The following NTM variants were observed in gnomAD, a reference collection of about 807,000 sequenced individuals.
NTM encodes IgLON family member 2.
In NTM, 13 loss-of-function variants were observed where a neutral mutation model predicts 42.1. The ratio of observed to expected loss-of-function variants is 0.31; its 90% CI spans 0.20 to 0.49. The LOEUF (loss-of-function observed/expected upper bound fraction) is 0.49. Ranked by LOEUF, NTM falls within the 20% of genes least tolerant of loss-of-function variation. NTM has a pLI of 0.99. For synonymous variants in NTM, 187 were observed against 179.2 expected (o/e 1.04, Z -0.35); for missense variants, 373 against 452.8 (o/e 0.82, Z 1.60).
chr11:131,523,924 C>A (rs992188049), intron 1 of NTM, among the ~76,000 whole-genome samples: 1 of 151,568 alleles, frequency 6.6e-6, no homozygotes, highest in Non-Finnish European at 1.5e-5. Context: ...AGATGCTGAA[C>A]AGGGTAGCAT....
chr11:131,811,895 T>C (rs1333776332), intron 1 of NTM, among the ~76,000 whole-genome samples: 1 of 152,226 alleles, frequency 6.6e-6, no homozygotes, highest in Non-Finnish European at 1.5e-5. Context: ...CTTTCAGACC[T>C]GAGATAATCT....
chr11:132,178,580 A>G (rs1165214892), intron 3 of NTM, among the ~76,000 whole-genome samples: 1 of 151,934 alleles, frequency 6.6e-6, no homozygotes, highest in Non-Finnish European at 1.5e-5. Context: ...GAAAAGTTTG[A>G]TAGACAGCCT....
At chr11:132,091,668 T>G (rs1432754082) in intron 2 of NTM, among the ~76,000 whole-genome samples, 1 of 151,912 alleles carries the variant, frequency 6.6e-6, no homozygotes, top group Admixed American at 6.6e-5. Context: ...GCTTGTATAC[T>G]TGGTGGTCTG....
intron 1 of NTM, among the ~76,000 whole-genome samples, chr11:131,754,284 T>A (rs1252521183): frequency 7.1e-6 from 1 of 139,940 alleles, no homozygotes; most frequent in African/African-American, 3.0e-5. Context: ...AAGTATAATT[T>A]AAAAAAAAAA....
chr11:131,401,814 A>ATATATATATATATG (rs1565465203), intron 1 of NTM, among the ~76,000 whole-genome samples: 1 of 27,200 alleles, frequency 3.7e-5, no homozygotes, highest in Non-Finnish European at 6.5e-5. Context: ...ATATATATAT[A>ATATATATATATATG]TATATATATA....
intron 1 of NTM, among the ~76,000 whole-genome samples, chr11:131,654,834 C>T (rs1189134112): frequency 1.3e-5 from 2 of 152,150 alleles, no homozygotes; most frequent in African/African-American, 2.4e-5. Flanking sequence ...ATTGGAGCCA[C>T]GCTACTTATA....
chr11:131,958,075 C>T (rs1441423844), intron 2 of NTM, among the ~76,000 whole-genome samples: 2 of 152,212 alleles, frequency 1.3e-5, no homozygotes, highest in Non-Finnish European at 2.9e-5. Context: ...TAGATGCCGA[C>T]ACCACCTCTG....
chr11:131,420,418 G>A (rs556569704), intron 1 of NTM, among the ~76,000 whole-genome samples: 1 of 152,320 alleles, frequency 6.6e-6, no homozygotes, highest in South Asian at 2.1e-4. Context: ...CTTGACCTTA[G>A]CCTAGGAAGA....
chr11:132,006,562 C>G (rs1593640793), intron 2 of NTM, among the ~76,000 whole-genome samples: 1 of 152,230 alleles, frequency 6.6e-6, no homozygotes, highest in South Asian at 2.1e-4. Context: ...AAACCTCATT[C>G]TCAGACTTAA....
rs185037798 is a variant in NTM at position 131,718,673 on chromosome 11, T to G, written c.83-192891T>G. ...CTCTGCTGGATGCTCAAGGGAACCC[T>G]CTGCAGATCTCAGGAGTTCTCTGTG... On this transcript the variant is annotated intron_variant, in intron 1 of 8. Coordinates refer to ENST00000683400, the MANE Select transcript of NTM (RefSeq NM_001352005.2). 1.3e-4 allele frequency among the ~76,000 whole-genome samples: 20 copies of G among 152,234 alleles called. No individual in the cohort carries two copies. The East Asian group carries it at 3.3e-3, about 25-fold the overall frequency.
intron 1 of NTM, chr11:131,767,058 CA>C (rs1257648791): frequency 3.6e-6 from 2 of 552,886 alleles, no homozygotes; most frequent in African/African-American, 4.1e-5. Context: ...ATATTTCAGT[CA>C]TCTCTCTGTG....
At chr11:131,826,399 G>T (rs911450226) in intron 1 of NTM, among the ~76,000 whole-genome samples, 2 of 151,982 alleles carry the variant, frequency 1.3e-5, no homozygotes, top group Admixed American at 6.6e-5. Flanking sequence ...TTAACAAGAA[G>T]GTAGATGATA....
rs755755676 is a variant in NTM, at chr11:132,146,334, A to G, written c.220A>G (p.Ile74Val). 7 of 1,614,208 alleles carry G rather than the reference A, an allele frequency of 4.3e-6. No homozygotes were observed. The highest frequency in any genetic ancestry group is 1.1e-5 in the South Asian group (1 of 91,080). Residue 74 changes from isoleucine to valine, a missense_variant, in exon 3 of 9, where the codon ATC becomes GTC. Physicochemically the swap from Ile to Val is conservative, Grantham distance 29. This residue lies in a region of NTM where 312 missense variants were observed against 353.5 expected (regional missense o/e 0.88). Transcript: ENST00000683400. The surrounding 1 kb of genome is among the most constrained non-coding windows in gnomAD (Gnocchi z 4.5). ...GGTGGCCTGGCTAAACCGCAGCACC[A>G]TCCTCTATGCTGGGAATGACAAGTG... is the stretch of plus-strand genomic sequence containing the variant. The part of the protein sequence containing the change: ...TRVAWLNRST[I>V]LYAGNDKWCL...
chr11:131,476,253 C>T (rs1433102115), intron 1 of NTM, among the ~76,000 whole-genome samples: 2 of 152,230 alleles, frequency 1.3e-5, no homozygotes, highest in Non-Finnish European at 2.9e-5. Context: ...CTCTTCCATG[C>T]TATCTACAGA....
intron 1 of NTM, among the ~76,000 whole-genome samples, chr11:131,680,440 A>C (rs1371131341): frequency 7.4e-6 from 1 of 134,842 alleles, no homozygotes; most frequent in Admixed American, 7.3e-5. Flanking sequence ...TGTGTGTGAG[A>C]TCATATCTGT....
chr11:132,087,777 A>G (rs1456519536), intron 2 of NTM, among the ~76,000 whole-genome samples: 1 of 152,234 alleles, frequency 6.6e-6, no homozygotes, highest in Non-Finnish European at 1.5e-5. Context: ...ACCTGGGGGA[A>G]GAACCTTTTG....
At chr11:131,473,073 G>T (rs1952598525) in intron 1 of NTM, among the ~76,000 whole-genome samples, 1 of 152,110 alleles carries the variant, frequency 6.6e-6, no homozygotes, top group Non-Finnish European at 1.5e-5. Context: ...TATTTTCTAG[G>T]CTTTGTTCAG....
At position 131,675,453 on chromosome 11, in the gene NTM, AT is replaced by A. The variant is rs1295511283; in HGVS notation, c.83-236109del. On this transcript the variant is annotated intron_variant, in intron 1 of 8. Transcript: ENST00000683400. The stretch of plus-strand genomic sequence containing the variant: ...TATAACTTTTTGGAATGGTGGCCGC[AT>A]TAATTAATCATTGCTTGTTGAGTGC... Among the ~76,000 whole-genome samples the A allele has an allele frequency of 2.0e-5, 3 of 152,340 alleles. No individual in the cohort carries two copies. The East Asian group carries it at 5.8e-4, about 29-fold the overall frequency.
chr11:132,004,605 T>TTCTC (rs71480226), intron 2 of NTM, among the ~76,000 whole-genome samples: 15,007 of 143,934 alleles, frequency 0.1, 915 homozygotes, highest in Admixed American at 0.16. Flanking sequence ...CTTTCTCTCT[T>TTCTC]TCTCTCTCTC....
Sources: allele counts gnomAD v4.1 joint callset (sites outside exome capture counted in the v4.1 genomes callset), GRCh38; gene constraint gnomAD v4.1.1; regional missense constraint gnomAD v4.1.1; non-coding constraint Gnocchi (gnomAD v3.1); transcripts MANE v1.5; gene names NCBI Gene and HGNC (gene_info 2026-07-23, HGNC 2026-07-21).